The following ADGRA3 variants were observed in gnomAD, a reference collection of about 807,000 sequenced individuals.
ADGRA3 encodes adhesion G protein-coupled receptor A3, also known as G-protein coupled receptor 125.
ADGRA3 carries 56 observed loss-of-function variants against 119.8 expected under a neutral mutation model. The ratio of observed to expected loss-of-function variants is 0.47; its 90% CI spans 0.38 to 0.58. The LOEUF is 0.58. ADGRA3 is among the 20% of genes least tolerant of loss of function. The pLI, the probability that ADGRA3 is intolerant of heterozygous loss-of-function variation, is 0.00. For missense variants in ADGRA3, 1,516 were observed against 1,649.0 expected (o/e 0.92, Z 1.40); for synonymous variants, 607 against 623.8 (o/e 0.97, Z 0.40).
intron 2 of ADGRA3, among the ~76,000 whole-genome samples, chr4:22,462,962 C>T (rs917545806): frequency 6.6e-6 from 1 of 152,136 alleles, no homozygotes; most frequent in Non-Finnish European, 1.5e-5. Flanking sequence ...TAAATACAGT[C>T]CCCTTCCCTA....
intron 14 of ADGRA3, among the ~76,000 whole-genome samples, chr4:22,405,110 T>C (rs1207807872): frequency 1.3e-5 from 2 of 152,076 alleles, no homozygotes; most frequent in East Asian, 3.9e-4. Flanking sequence ...AGAAGAAAGG[T>C]GGTAAAAGTG....
chr4:22,395,245 A>G (rs1714301975), intron 16 of ADGRA3, among the ~76,000 whole-genome samples: 1 of 152,226 alleles, frequency 6.6e-6, no homozygotes, highest in Non-Finnish European at 1.5e-5. Context: ...GTTCCACTCT[A>G]TGTATTTGTT....
At chr4:22,404,185 G>A (rs1299765897) in intron 14 of ADGRA3, among the ~76,000 whole-genome samples, 1 of 152,120 alleles carries the variant, frequency 6.6e-6, no homozygotes, top group African/African-American at 2.4e-5. Flanking sequence ...GGAGCCCACA[G>A]TGGATATACC....
intron 10 of ADGRA3, 51 bp from the exon 11 acceptor site, chr4:22,424,403 T>A: frequency 6.4e-7 from 1 of 1,564,798 alleles, no homozygotes. Flanking sequence ...CACCATAAAC[T>A]ATTTCGTAGA....
At chr4:22,445,711 C>T (rs190497404) in intron 5 of ADGRA3, among the ~76,000 whole-genome samples, 63 of 152,276 alleles carry the variant, frequency 4.1e-4, no homozygotes, top group African/African-American at 1.5e-3. Context: ...CCAAGTGACA[C>T]TATAGATATT....
intron 1 of ADGRA3, among the ~76,000 whole-genome samples, chr4:22,505,297 G>T (rs1248695485): frequency 6.6e-6 from 1 of 152,152 alleles, no homozygotes; most frequent in Non-Finnish European, 1.5e-5. Context: ...CAGTCCCTTT[G>T]GCAAGGTTGT....
intron 1 of ADGRA3, among the ~76,000 whole-genome samples, chr4:22,511,999 C>A (rs1174246826): frequency 6.7e-6 from 1 of 148,876 alleles, no homozygotes; most frequent in African/African-American, 2.5e-5. Context: ...CGGGTTCAAG[C>A]GATTCTCCTG....
intron 1 of ADGRA3, among the ~76,000 whole-genome samples, chr4:22,478,742 G>T (rs1336135841): frequency 6.6e-6 from 1 of 152,124 alleles, no homozygotes; most frequent in African/African-American, 2.4e-5. Flanking sequence ...TCCTTAAAAG[G>T]AAAGAAGAGA....
intron 1 of ADGRA3, among the ~76,000 whole-genome samples, chr4:22,509,125 A>ACATG (rs1449151636): frequency 1.3e-5 from 2 of 152,214 alleles, no homozygotes; most frequent in Non-Finnish European, 2.9e-5. Flanking sequence ...CTGAGGGCTT[A>ACATG]CATGCAGGGG....
intron 1 of ADGRA3, among the ~76,000 whole-genome samples, chr4:22,510,093 A>G (rs1452464760): frequency 6.6e-6 from 1 of 151,772 alleles, no homozygotes; most frequent in Non-Finnish European, 1.5e-5. Context: ...CACATTCCAC[A>G]TTCAGATACG....
chr4:22,439,857 C>T (rs934704403), intron 7 of ADGRA3, among the ~76,000 whole-genome samples: 1 of 152,078 alleles, frequency 6.6e-6, no homozygotes. Context: ...TGGTGCCCCA[C>T]CCCAGCTCAA....
intron 1 of ADGRA3, 175 bp downstream of exon 1, chr4:22,515,353 T>A (rs1039718909): frequency 3.1e-6 from 2 of 654,354 alleles, no homozygotes; most frequent in South Asian, 8.3e-5. Context: ...CAGATTCCCT[T>A]GCCTTTCCCT....
At chr4:22,495,679 C>T (rs904162345) in intron 1 of ADGRA3, among the ~76,000 whole-genome samples, 18 of 151,856 alleles carry the variant, frequency 1.2e-4, no homozygotes, top group Admixed American at 4.6e-4. Context: ...GAGGCCAGGG[C>T]GGGTGGATGA....
At chr4:22,436,255 T>C (rs1445304590) in intron 9 of ADGRA3, among the ~76,000 whole-genome samples, 185 bp downstream of exon 9, 2 of 151,922 alleles carry the variant, frequency 1.3e-5, no homozygotes, top group Non-Finnish European at 2.9e-5. Flanking sequence ...AAGGAAGGAT[T>C]CTATAGAGGG....
In ADGRA3 at chr4:22,414,905, G is replaced by A. The variant is rs1446108142; in HGVS notation, c.1810-1091C>T. On this transcript the variant is annotated intron_variant, in intron 12 of 18. Coordinates refer to ENST00000334304, the MANE Select transcript of ADGRA3 (RefSeq NM_145290.4). ...TTTTGAATTGGTGTAACGGAAAGTG[G>A]ATTAGAATGAAAAACGTTGGCAGCC... Among the ~76,000 whole-genome samples the A allele has an allele frequency of 2.0e-5, 3 of 152,088 alleles. No homozygotes were observed. The East Asian group carries it at 5.8e-4, about 29-fold the overall frequency.
intron 1 of ADGRA3, among the ~76,000 whole-genome samples, chr4:22,475,476 C>A (rs559440901): frequency 6.6e-6 from 1 of 152,280 alleles, no homozygotes; most frequent in Admixed American, 6.5e-5. Flanking sequence ...CTCACGGTTC[C>A]CAGCACTTTG....
At chr4:22,499,957 T>G (rs1007902833) in intron 1 of ADGRA3, among the ~76,000 whole-genome samples, 1 of 152,180 alleles carries the variant, frequency 6.6e-6, no homozygotes, top group Non-Finnish European at 1.5e-5. Context: ...TTTGGAATAT[T>G]TGCATTATAC....
intron 7 of ADGRA3, among the ~76,000 whole-genome samples, chr4:22,441,861 A>C (rs149685924): frequency 6.6e-6 from 1 of 152,198 alleles, no homozygotes; most frequent in Non-Finnish European, 1.5e-5. Context: ...AGCCAACTGC[A>C]TAAGTCTTGA....
intron 14 of ADGRA3, 105 bp downstream of exon 14, chr4:22,413,075 TAA>T (rs74406494): frequency 6.7e-4 from 487 of 724,826 alleles, no homozygotes; most frequent in Middle Eastern, 2.5e-3. Context: ...ATGTTAAAAG[TAA>T]AAAAAAAAAA....
Sources: gnomAD v4.1 joint callset for allele counts (sites outside exome capture counted in the v4.1 genomes callset) on GRCh38, gnomAD v4.1.1 for gene constraint, MANE v1.5 for transcripts, NCBI Gene and HGNC (gene_info 2026-07-23, HGNC 2026-07-21) for gene names.